The following PID1 variants were observed in gnomAD, a reference collection of about 807,000 sequenced individuals.
The protein encoded by PID1 is PTB-containing, cubilin and LRP1-interacting protein.
A neutral mutation model predicts 19.1 loss-of-function variants in PID1; 10 were observed. The observed-to-expected ratio is 0.52, with a 90% CI of 0.32 to 0.89. PID1 has a LOEUF of 0.89. Among genes scored for constraint, PID1 ranks in the 40% least tolerant of loss-of-function variants. The pLI is 0.03. For missense variants in PID1, 248 were observed against 285.3 expected (o/e 0.87, Z 0.94); for synonymous variants, 130 against 116.0 (o/e 1.12, Z -0.78).
At chr2:229,110,793 T>C (rs931707090) in intron 2 of PID1, among the ~76,000 whole-genome samples, 8 of 152,104 alleles carry the variant, frequency 5.3e-5, no homozygotes, top group African/African-American at 1.9e-4. Flanking sequence ...GGATGCATAG[T>C]CAGTGCCATG....
chr2:229,058,977 T>C (rs914772564), intron 2 of PID1, among the ~76,000 whole-genome samples: 2 of 152,216 alleles, frequency 1.3e-5, no homozygotes, highest in African/African-American at 4.8e-5. Flanking sequence ...AGAACACTAA[T>C]GTGTTTCTTC....
At chr2:229,151,099 A>T (rs1339610623) in intron 2 of PID1, among the ~76,000 whole-genome samples, 1 of 152,172 alleles carries the variant, frequency 6.6e-6, no homozygotes, top group Non-Finnish European at 1.5e-5. Context: ...TGCCAAATCA[A>T]CTAGCCCTTA....
intron 2 of PID1, among the ~76,000 whole-genome samples, chr2:229,109,715 A>C (rs1192902094): frequency 1.3e-5 from 2 of 152,258 alleles, no homozygotes; most frequent in East Asian, 3.8e-4. Context: ...ATTAGAATGC[A>C]TGCATCCAAA....
intron 1 of PID1, among the ~76,000 whole-genome samples, chr2:229,268,557 G>C (rs554829040): frequency 6.6e-6 from 1 of 152,142 alleles, no homozygotes; most frequent in Non-Finnish European, 1.5e-5. Flanking sequence ...TTTCCTTGAC[G>C]AATTTTCTTC....
intron 2 of PID1, among the ~76,000 whole-genome samples, chr2:229,122,600 C>A (rs1695545604): frequency 6.6e-6 from 1 of 152,096 alleles, no homozygotes; most frequent in Non-Finnish European, 1.5e-5. Context: ...CATCACACAG[C>A]CAGTCATTTA....
intron 2 of PID1, among the ~76,000 whole-genome samples, chr2:229,142,180 T>C (rs909150296): frequency 6.6e-6 from 1 of 152,166 alleles, no homozygotes; most frequent in African/African-American, 2.4e-5. Flanking sequence ...GTATTTTATT[T>C]ATATAGTACT....
At chr2:229,151,813 G>A (rs892988764) in intron 2 of PID1, among the ~76,000 whole-genome samples, 11 of 151,950 alleles carry the variant, frequency 7.2e-5, no homozygotes, top group Non-Finnish European at 1.5e-4. Context: ...CTCGTGATCC[G>A]CCCGCCTCGG....
At chr2:229,093,934 T>C (rs761321555) in intron 2 of PID1, among the ~76,000 whole-genome samples, 3 of 152,124 alleles carry the variant, frequency 2.0e-5, no homozygotes, top group Non-Finnish European at 2.9e-5. Context: ...CTGTTCAACA[T>C]AGTACTGGAA....
At chr2:229,110,426 GT>G (rs1346613099) in intron 2 of PID1, among the ~76,000 whole-genome samples, 3 of 152,160 alleles carry the variant, frequency 2.0e-5, no homozygotes, top group African/African-American at 4.8e-5. Flanking sequence ...GCAAGATCAG[GT>G]GAGGGAAGAG....
intron 2 of PID1, among the ~76,000 whole-genome samples, chr2:229,059,426 G>A (rs1694167147): frequency 6.6e-6 from 1 of 152,208 alleles, no homozygotes. Flanking sequence ...CACAAGGTTA[G>A]GTGTTTTCAC....
chr2:229,139,025 AAG>A (rs753730040), intron 2 of PID1, among the ~76,000 whole-genome samples: 1 of 88,126 alleles, frequency 1.1e-5, no homozygotes, highest in African/African-American at 4.3e-5. Context: ...GAAAGAAAGA[AAG>A]AAAGAAAGAA....
intron 1 of PID1, among the ~76,000 whole-genome samples, chr2:229,250,347 T>C (rs1283664019): frequency 6.6e-6 from 1 of 152,210 alleles, no homozygotes; most frequent in Non-Finnish European, 1.5e-5. Flanking sequence ...CACATGCCAT[T>C]GGACAAAATG....
intron 2 of PID1, among the ~76,000 whole-genome samples, chr2:229,103,595 T>TTTTTTA (rs1695116463): frequency 2.1e-5 from 2 of 95,366 alleles, no homozygotes; most frequent in African/African-American, 7.5e-5. Flanking sequence ...TTTTTTTTTT[T>TTTTTTA]GAGACAGAGT....
intron 1 of PID1, among the ~76,000 whole-genome samples, chr2:229,230,762 T>C (rs1013641001): frequency 5.3e-5 from 8 of 152,306 alleles, no homozygotes; most frequent in African/African-American, 1.9e-4. Flanking sequence ...CAGCACACTA[T>C]AATTTCCAAA....
intron 2 of PID1, among the ~76,000 whole-genome samples, chr2:229,120,346 A>G (rs1695491861): frequency 6.6e-6 from 1 of 152,152 alleles, no homozygotes; most frequent in African/African-American, 2.4e-5. Context: ...CTTGCAATAA[A>G]ATAGGCTAAA....
chr2:229,209,579 C>G (rs984946839), intron 1 of PID1, among the ~76,000 whole-genome samples: 4 of 152,152 alleles, frequency 2.6e-5, no homozygotes, highest in African/African-American at 7.2e-5. Context: ...ACCGAATTGT[C>G]CAGGAACACA....
chr2:229,220,121 G>A (rs148252349), intron 1 of PID1, among the ~76,000 whole-genome samples: 1 of 151,830 alleles, frequency 6.6e-6, no homozygotes, highest in East Asian at 2.0e-4. Context: ...CCCAGCTAGA[G>A]TGATCCTCCC....
chr2:229,047,726 G>C (rs1693912639), intron 2 of PID1, among the ~76,000 whole-genome samples: 1 of 152,126 alleles, frequency 6.6e-6, no homozygotes, highest in Admixed American at 6.6e-5. Context: ...AGAACAGAGA[G>C]GTTAAGTCAT....
chr2:229,241,159 T>C (rs1309111145), intron 1 of PID1, among the ~76,000 whole-genome samples: 2 of 152,166 alleles, frequency 1.3e-5, no homozygotes, highest in East Asian at 1.9e-4. Flanking sequence ...TTTTAAAGCA[T>C]TTGCTATTCC....
Sources: gnomAD v4.1 joint callset for allele counts (sites outside exome capture counted in the v4.1 genomes callset) on GRCh38, gnomAD v4.1.1 for gene constraint, MANE v1.5 for transcripts, NCBI Gene and HGNC (gene_info 2026-07-23, HGNC 2026-07-21) for gene names.